AGMO: variants seen among roughly 807,000 people sequenced by gnomAD.
AGMO encodes glyceryl-ether monooxygenase.
In AGMO, 75 loss-of-function variants were observed where a neutral mutation model predicts 60.2. The ratio of observed to expected loss-of-function variants is 1.25; its 90% CI spans 1.03 to 1.51. The LOEUF (loss-of-function observed/expected upper bound fraction) is 1.51. AGMO is among the 40% of genes most tolerant of loss of function. The pLI, the probability that AGMO is intolerant of heterozygous loss-of-function variation, is 0.00. For missense variants in AGMO, 763 were observed against 525.5 expected (o/e 1.45, Z -4.42); for synonymous variants, 261 against 177.1 (o/e 1.47, Z -3.76).
At chr7:15,531,613 G>GTATATTCTATA (rs1784365251) in intron 3 of AGMO, among the ~76,000 whole-genome samples, 3 of 71,308 alleles carry the variant, frequency 4.2e-5, no homozygotes, top group Non-Finnish European at 7.5e-5. Flanking sequence ...TATATTCTAT[G>GTATATTCTATA]TATATTCTAT....
chr7:15,543,373 A>G (rs1374802635), intron 3 of AGMO, among the ~76,000 whole-genome samples: 1 of 152,138 alleles, frequency 6.6e-6, no homozygotes, highest in Non-Finnish European at 1.5e-5. Context: ...TCTATAACAA[A>G]ACATTTCTTG....
intron 12 of AGMO, among the ~76,000 whole-genome samples, chr7:15,280,236 C>T (rs536654404): frequency 6.6e-6 from 1 of 152,172 alleles, no homozygotes; most frequent in Admixed American, 6.5e-5. Flanking sequence ...CTGCCTGAAA[C>T]TTAGCTAGCT....
chr7:15,350,820 G>C (rs1583440483), intron 12 of AGMO, among the ~76,000 whole-genome samples: 1 of 152,094 alleles, frequency 6.6e-6, no homozygotes, highest in East Asian at 1.9e-4. Context: ...TTAATAAAAG[G>C]AAGTTTGGCT....
intron 10 of AGMO, among the ~76,000 whole-genome samples, chr7:15,374,189 T>C (rs550443526): frequency 2.0e-5 from 3 of 152,278 alleles, no homozygotes; most frequent in African/African-American, 7.2e-5. Flanking sequence ...CTTGAAAGAA[T>C]TTCTTGCTCT....
chr7:15,242,553 A>G (rs1782622082), intron 12 of AGMO, among the ~76,000 whole-genome samples: 1 of 152,198 alleles, frequency 6.6e-6, no homozygotes, highest in Non-Finnish European at 1.5e-5. Context: ...AAGATCCAGT[A>G]TCTAACCTGG....
chr7:15,335,865 G>A (rs746168327), intron 12 of AGMO, among the ~76,000 whole-genome samples: 10 of 152,160 alleles, frequency 6.6e-5, no homozygotes, highest in Middle Eastern at 3.4e-3. Context: ...TGTAGTCTTC[G>A]TGTTATTTTA....
chr7:15,538,580 G>T (rs554574220), intron 3 of AGMO, among the ~76,000 whole-genome samples: 1 of 152,106 alleles, frequency 6.6e-6, no homozygotes, highest in African/African-American at 2.4e-5. Context: ...ATAATGTATA[G>T]CAAAGAGTTA....
chr7:15,293,122 A>C (rs1328654776), intron 12 of AGMO, among the ~76,000 whole-genome samples: 1 of 152,066 alleles, frequency 6.6e-6, no homozygotes, highest in Non-Finnish European at 1.5e-5. Context: ...TCACATATTC[A>C]TTCTATGAGC....
chr7:15,421,199 G>C (rs929680269), intron 4 of AGMO, among the ~76,000 whole-genome samples: 1 of 152,112 alleles, frequency 6.6e-6, no homozygotes, highest in East Asian at 1.9e-4. Context: ...ACAGACCTCA[G>C]GGAATCCATG....
intron 3 of AGMO, among the ~76,000 whole-genome samples, chr7:15,434,061 T>C (rs1239755172): frequency 6.6e-6 from 1 of 152,108 alleles, no homozygotes; most frequent in Admixed American, 6.6e-5. Context: ...GCACTCTAGA[T>C]ACAGAACAAT....
intron 3 of AGMO, among the ~76,000 whole-genome samples, chr7:15,449,848 T>C (rs980802715): frequency 6.6e-6 from 1 of 152,182 alleles, no homozygotes; most frequent in Non-Finnish European, 1.5e-5. Context: ...CCACAAAATA[T>C]GAACAACTTA....
intron 3 of AGMO, among the ~76,000 whole-genome samples, chr7:15,540,253 C>G (rs755052434): frequency 1.3e-5 from 2 of 152,182 alleles, no homozygotes; most frequent in South Asian, 2.1e-4. Flanking sequence ...GTGGCTACCA[C>G]TGGAACTCTG....
intron 5 of AGMO, among the ~76,000 whole-genome samples, 195 bp downstream of exon 5, chr7:15,418,363 C>A (rs1780832600): frequency 6.6e-6 from 1 of 151,850 alleles, no homozygotes; most frequent in Admixed American, 6.6e-5. Context: ...TTAATTGAGA[C>A]CAACTGGCCT....
At chr7:15,172,762 G>C in the AGMO span, among the ~76,000 whole-genome samples, 1 of 152,130 alleles carries the variant, frequency 6.6e-6, no homozygotes, top group African/African-American at 2.4e-5. Flanking sequence ...TAAAGAAGAA[G>C]CTACAGGTGA....
intron 10 of AGMO, among the ~76,000 whole-genome samples, 159 bp from the exon 11 acceptor site, chr7:15,366,381 T>C (rs1005744060): frequency 4.6e-5 from 7 of 152,156 alleles, no homozygotes; most frequent in African/African-American, 1.4e-4. Flanking sequence ...ACATTTTGGT[T>C]TTCTTAATGT....
At chr7:15,276,616 C>A (rs1264084602) in intron 12 of AGMO, among the ~76,000 whole-genome samples, 4 of 152,090 alleles carry the variant, frequency 2.6e-5, no homozygotes, top group Non-Finnish European at 5.9e-5. Flanking sequence ...CTTCATTATT[C>A]ACTCAAATGT....
At chr7:15,354,466 GTGT>G (rs1782425076) in intron 12 of AGMO, among the ~76,000 whole-genome samples, 1 of 15,724 alleles carries the variant, frequency 6.4e-5, no homozygotes, top group African/African-American at 2.4e-4. Flanking sequence ...ACACACGTGT[GTGT>G]ATACACACGT....
chr7:15,252,635 C>A (rs554964787), intron 12 of AGMO, among the ~76,000 whole-genome samples: 1 of 152,158 alleles, frequency 6.6e-6, no homozygotes, highest in African/African-American at 2.4e-5. Context: ...TCAGATACGA[C>A]CACAGCTCTG....
chr7:15,445,982 T>G (rs1448585385), intron 3 of AGMO, among the ~76,000 whole-genome samples: 1 of 152,250 alleles, frequency 6.6e-6, no homozygotes, highest in East Asian at 1.9e-4. Flanking sequence ...AGTACCATTT[T>G]GTATTTAAAT....
Sources: allele counts gnomAD v4.1 joint callset (sites outside exome capture counted in the v4.1 genomes callset), GRCh38; gene constraint gnomAD v4.1.1; transcripts MANE v1.5; gene names NCBI Gene and HGNC (gene_info 2026-07-23, HGNC 2026-07-21).